EXOC4: variants seen among roughly 807,000 people sequenced by gnomAD.
EXOC4 encodes the protein exocyst complex component 4.
EXOC4 carries 71 observed loss-of-function variants against 107.2 expected under a neutral mutation model. The observed-to-expected ratio is 0.66, with a 90% CI of 0.55 to 0.81. The LOEUF is 0.81. EXOC4 is among the 30% of genes least tolerant of loss of function. EXOC4 has a pLI of 0.00. For synonymous variants in EXOC4, 456 were observed against 441.2 expected, an observed-to-expected ratio of 1.03 and a Z score of -0.42; for missense variants, 1,108 against 1,189.6, an observed-to-expected ratio of 0.93 and a Z score of 1.01.
intron 1 of EXOC4, among the ~76,000 whole-genome samples, chr7:133,262,201 G>T (rs560889322): frequency 6.6e-6 from 1 of 152,296 alleles, no homozygotes; most frequent in Non-Finnish European, 1.5e-5. Flanking sequence ...AAGATATTCA[G>T]ATGTGCTGTT....
chr7:133,742,567 G>A (rs1795588597), intron 10 of EXOC4, among the ~76,000 whole-genome samples: 1 of 152,172 alleles, frequency 6.6e-6, no homozygotes, highest in Admixed American at 6.6e-5. Flanking sequence ...TATTTTAGAA[G>A]TATTTTTAAA....
intron 9 of EXOC4, among the ~76,000 whole-genome samples, chr7:133,628,487 G>A (rs1585041575): frequency 6.6e-6 from 1 of 152,296 alleles, no homozygotes; most frequent in East Asian, 1.9e-4. Context: ...ATTTTTATCA[G>A]TCAGGCGTTA....
chr7:133,467,608 T>C (rs1451627282), intron 7 of EXOC4, among the ~76,000 whole-genome samples: 6 of 151,498 alleles, frequency 4.0e-5, no homozygotes, highest in Non-Finnish European at 7.4e-5. Context: ...TTTTTAAGAT[T>C]CTTGGAAGTT....
intron 6 of EXOC4, among the ~76,000 whole-genome samples, chr7:133,370,340 G>T (rs1378331738): frequency 2.6e-5 from 4 of 151,898 alleles, no homozygotes; most frequent in African/African-American, 9.7e-5. Flanking sequence ...TTTTAGGGAG[G>T]CATGAGACAT....
At chr7:133,757,860 A>G (rs1358942139) in intron 10 of EXOC4, among the ~76,000 whole-genome samples, 1 of 152,232 alleles carries the variant, frequency 6.6e-6, no homozygotes, top group Non-Finnish European at 1.5e-5. Context: ...TTAAACAGAT[A>G]AGGAGACTAT....
At chr7:133,607,020 A>T (rs955734729) in intron 9 of EXOC4, among the ~76,000 whole-genome samples, 1 of 152,198 alleles carries the variant, frequency 6.6e-6, no homozygotes, top group African/African-American at 2.4e-5. Context: ...TGTAGATCCT[A>T]CAATGCGTAT....
chr7:133,702,891 G>T lies in EXOC4; in HGVS notation c.1514+72750G>T, dbSNP rs75284280. On this transcript the variant is annotated intron_variant, in intron 10 of 17. Transcript: ENST00000253861. The stretch of plus-strand genomic sequence containing the variant: ...CATGTTGTCTGTAGATAGTAATTTT[G>T]CAGTGTTAACAATGCCATCTTTATC... 4.2e-3 allele frequency among the ~76,000 whole-genome samples: 633 copies of T among 152,202 alleles called. 6 individuals carry two copies. The highest frequency in any genetic ancestry group is 0.017 in the Middle Eastern group (5 of 294).
At chr7:133,400,054 T>G (rs1033994102) in intron 7 of EXOC4, among the ~76,000 whole-genome samples, 2 of 152,196 alleles carry the variant, frequency 1.3e-5, no homozygotes, top group Non-Finnish European at 2.9e-5. Flanking sequence ...TATATGCATT[T>G]TGAATTTATG....
rs543830270 is a variant in EXOC4 at position 133,751,661 on chromosome 7, C to T, written c.1515-65664C>T. ...GTTGTTCTTTTATTTCTGTCAAAAC[C>T]ACAGCTTCATATATAGCTCTTTTTG... is the stretch of plus-strand genomic sequence containing the variant. On this transcript the variant is annotated intron_variant, in intron 10 of 17. Coordinates refer to ENST00000253861, the MANE Select transcript of EXOC4 (RefSeq NM_021807.4). Among the ~76,000 whole-genome samples the T allele has an allele frequency of 1.2e-4, 19 of 152,186 alleles. No homozygotes were observed. The South Asian group carries it at 3.5e-3, about 28-fold the overall frequency.
chr7:133,888,871 A>G (rs1323456399), intron 11 of EXOC4, among the ~76,000 whole-genome samples: 2 of 152,198 alleles, frequency 1.3e-5, no homozygotes, highest in Non-Finnish European at 2.9e-5. Context: ...GGGGATGATT[A>G]TAGGATACAC....
At chr7:133,821,965 G>A (rs566160725) in intron 11 of EXOC4, among the ~76,000 whole-genome samples, 1 of 152,160 alleles carries the variant, frequency 6.6e-6, no homozygotes, top group Non-Finnish European at 1.5e-5. Flanking sequence ...TCATGGTCTT[G>A]GGTTTAAGAT....
intron 9 of EXOC4, among the ~76,000 whole-genome samples, chr7:133,605,046 A>C (rs1298516101): frequency 2.0e-5 from 3 of 152,064 alleles, no homozygotes; most frequent in Non-Finnish European, 4.4e-5. Flanking sequence ...TTTCAAGATG[A>C]AACAATGGAC....
At chr7:133,928,066 G>C (rs1800091301) in intron 13 of EXOC4, among the ~76,000 whole-genome samples, 1 of 152,170 alleles carries the variant, frequency 6.6e-6, no homozygotes, top group Non-Finnish European at 1.5e-5. Context: ...TATCATTAAA[G>C]TGTCACTAAT....
chr7:133,921,558 T>C (rs535036028), intron 13 of EXOC4, among the ~76,000 whole-genome samples: 1 of 152,340 alleles, frequency 6.6e-6, no homozygotes, highest in Non-Finnish European at 1.5e-5. Flanking sequence ...CTGATATAAT[T>C]CTTATCCTTG....
chr7:133,454,612 T>G (rs911779108), intron 7 of EXOC4, among the ~76,000 whole-genome samples: 1 of 152,234 alleles, frequency 6.6e-6, no homozygotes, highest in Non-Finnish European at 1.5e-5. Context: ...CTTCATTTCT[T>G]CTGAGGAGTA....
intron 7 of EXOC4, among the ~76,000 whole-genome samples, chr7:133,421,188 A>G (rs1471101883): frequency 2.0e-5 from 3 of 152,162 alleles, no homozygotes; most frequent in Non-Finnish European, 4.4e-5. Flanking sequence ...GGTAAAGTGT[A>G]AAGCATTATA....
intron 7 of EXOC4, among the ~76,000 whole-genome samples, chr7:133,467,060 A>G (rs2150834702): frequency 6.6e-6 from 1 of 152,268 alleles, no homozygotes; most frequent in South Asian, 2.1e-4. Context: ...ATCTTAACCT[A>G]TTCACATTAT....
the EXOC4 span, among the ~76,000 whole-genome samples, chr7:134,095,430 G>A: frequency 3.3e-5 from 5 of 151,984 alleles, no homozygotes; most frequent in Admixed American, 2.6e-4. Context: ...TATTCCTATC[G>A]AACTGCCAAC....
chr7:133,302,622 A>T (rs1197384778), intron 3 of EXOC4, among the ~76,000 whole-genome samples: 1 of 152,186 alleles, frequency 6.6e-6, no homozygotes, highest in Non-Finnish European at 1.5e-5. Context: ...GCATTTACCA[A>T]TTCACTGTAC....
Sources: allele counts gnomAD v4.1 joint callset (sites outside exome capture counted in the v4.1 genomes callset), GRCh38; gene constraint gnomAD v4.1.1; transcripts MANE v1.5; gene names NCBI Gene and HGNC (gene_info 2026-07-23, HGNC 2026-07-21).